Variants in ITGB2 observed in about 807,000 individuals in gnomAD.
ITGB2 encodes integrin beta-2.
A neutral mutation model predicts 86.8 loss-of-function variants in ITGB2; 56 were observed. The observed-to-expected ratio is 0.65, with a 90% confidence interval of 0.52 to 0.81. The LOEUF is 0.81. ITGB2 is among the 30% of genes least tolerant of loss of function. The probability of loss-of-function intolerance (pLI) is 0.00; values close to 1 mark genes in which losing one functional copy is unlikely to be tolerated. For synonymous variants in ITGB2, 457 were observed against 450.4 expected, an observed-to-expected ratio of 1.01 and a Z score of -0.19; for missense variants, 948 against 1,061.2, an observed-to-expected ratio of 0.89 and a Z score of 1.48.
At chr21:44,908,004 T>C (rs1237910225) in intron 3 of ITGB2, 1 of 714,128 alleles carries the variant, frequency 1.4e-6, no homozygotes, top group Non-Finnish European at 2.6e-6. Flanking sequence ...GAAAGGTGTT[T>C]ATTTCAGAGG....
chr21:44,913,284 G>T (rs1022097463), intron 1 of ITGB2, among the ~76,000 whole-genome samples: 3 of 152,110 alleles, frequency 2.0e-5, no homozygotes. Context: ...GCAGACATGA[G>T]GTCTCCGCCC....
chr21:44,887,168 T>A (rs1346995514), intron 14 of ITGB2, among the ~76,000 whole-genome samples: 1 of 152,076 alleles, frequency 6.6e-6, no homozygotes, highest in Non-Finnish European at 1.5e-5. Context: ...AGGGCCAGGG[T>A]ACCGGGCAGC....
intron 13 of ITGB2, 30 bp downstream of exon 13, chr21:44,889,246 G>A (rs1248089757): frequency 6.2e-7 from 1 of 1,604,230 alleles, no homozygotes; most frequent in South Asian, 1.1e-5. Flanking sequence ...GGGGATCCCT[G>A]CCCGCCCTGC....
intron 1 of ITGB2, among the ~76,000 whole-genome samples, chr21:44,919,516 T>C (rs2084266592): frequency 1.3e-5 from 2 of 152,190 alleles, no homozygotes; most frequent in Non-Finnish European, 2.9e-5. Context: ...TCACTCATGG[T>C]GAAACGCTGG....
chr21:44,890,913 A>G (rs937583146), intron 11 of ITGB2, among the ~76,000 whole-genome samples: 1 of 151,798 alleles, frequency 6.6e-6, no homozygotes, highest in Non-Finnish European at 1.5e-5. Context: ...CACCCAGGAC[A>G]GTGGGCGGGG....
chr21:44,889,109 G>T lies in ITGB2; in HGVS notation c.1877+167C>A, dbSNP rs1251770917. On this transcript the variant is annotated intron_variant, in intron 13 of 15. Transcript: ENST00000652462. The stretch of plus-strand genomic sequence containing the variant: ...GGCAGGTGCGCACAGGAGGGAGGAG[G>T]GACACAGGGGCACGGCGGCCGCGGA... 8.4e-6 allele frequency: 6 copies of T among 712,654 alleles called. No homozygotes were observed. The Admixed American group carries it at 9.1e-5, about 11-fold the overall frequency. The allele number at this position is 712,654 out of a possible 1,614,324, so 44.1% of individuals were successfully genotyped here.
upstream of ITGB2, among the ~76,000 whole-genome samples, chr21:44,923,138 T>C (rs187790576): frequency 1.3e-5 from 2 of 152,130 alleles, no homozygotes; most frequent in Admixed American, 6.6e-5. Flanking sequence ...ACTTTTTAGA[T>C]CTACAAAGAA....
intron 10 of ITGB2, 72 bp from the exon 11 acceptor site, chr21:44,892,068 C>T (rs2083793773): frequency 1.4e-6 from 2 of 1,479,202 alleles, no homozygotes; most frequent in South Asian, 1.2e-5. Flanking sequence ...CAACCCTCAC[C>T]TCCTGGCCTC....
Position 44,886,587 on chromosome 21 carries a change from C to T in ITGB2, c.2247+149G>A, listed in dbSNP as rs1273981064. 7 of 1,407,366 alleles carry T rather than the reference C, an allele frequency of 5.0e-6. No homozygotes were observed. In the Admixed American group the frequency reaches 5.2e-5, roughly 10 times the overall value. The allele number at this position is 1,407,366 out of a possible 1,614,324, so 87.2% of individuals were successfully genotyped here. A position where few individuals can be genotyped will look rare whatever the true frequency, so the allele number is the denominator to read the frequency against. ...GTCCCAGCACCGGCAGCCAAGCTCACCCACAGCGGCGGACGCCCAGAGGAC... is the reference window on the plus strand; with the variant it reads ...GTCCCAGCACCGGCAGCCAAGCTCATCCACAGCGGCGGACGCCCAGAGGAC... On this transcript the variant is annotated intron_variant, in intron 15 of 15. Transcript: ENST00000652462.
intron 10 of ITGB2, among the ~76,000 whole-genome samples, chr21:44,892,604 CAAAAAAAAA>C (rs11327948): frequency 4.2e-5 from 3 of 71,144 alleles, no homozygotes; most frequent in Non-Finnish European, 7.9e-5. Flanking sequence ...AACTCCATCT[CAAAAAAAAA>C]AAAAAAAAAA....
intron 1 of ITGB2, among the ~76,000 whole-genome samples, chr21:44,919,020 G>GCTGAGCGTCCCGTCTCCCA (rs58007154): frequency 4.7e-5 from 7 of 149,602 alleles, no homozygotes; most frequent in Non-Finnish European, 7.4e-5. Context: ...AGCACTCGGA[G>GCTGAGCGTCCCGTCTCCCA]GCACCTGCAG....
rs749526925 is a variant in ITGB2 at position 44,891,936 on chromosome 21, G to A, written c.1285C>T (p.Arg429Trp). 24 of 1,613,430 alleles carry A rather than the reference G, an allele frequency of 1.5e-5. No individual in the cohort carries two copies. The East Asian group carries it at 1.6e-4, about 10-fold the overall frequency. ...ECIQEQSFVI[R>W]ALGFTDIVTV... ...ACTATGTCCGTGAAGCCCAGCGCCC[G>A]GATGACAAACGACTGCTCCTGGATG... Residue 429 changes from arginine (R) to tryptophan (W), a missense_variant, in exon 11 of 16, where the codon CGG becomes TGG. By Grantham distance (101) the Arg-to-Trp change is moderately radical. Transcript: ENST00000652462.
chr21:44,898,987 G>T, intron 8 of ITGB2, 80 bp downstream of exon 8: 1 of 1,149,108 alleles, frequency 8.7e-7, no homozygotes, highest in South Asian at 1.3e-5. Context: ...GTGGCGCTCA[G>T]ACCTGCAGTG....
chr21:44,898,647 C>T (rs955730995), intron 8 of ITGB2, among the ~76,000 whole-genome samples: 1 of 152,238 alleles, frequency 6.6e-6, no homozygotes, highest in African/African-American at 2.4e-5. Flanking sequence ...GCTGTGCTTC[C>T]TTCGTGAAAT....
Position 44,926,478 on chromosome 21 carries a change from G to A in ITGB2, c.-4+2176C>T, listed in dbSNP as rs954777861. Among the ~76,000 whole-genome samples the A allele has an allele frequency of 2.6e-4, 39 of 152,222 alleles. 1 individual carries two copies. Among genetic ancestry groups the A allele is most frequent in the Admixed American group, 1.3e-3 (20 of 15,288 alleles). The stretch of plus-strand genomic sequence containing the variant: ...GATGAGGAAATGGCGACCGCAGAAG[G>A]AAATGTAGCAGCACCGGCAACCGGC... On this transcript the variant is annotated intron_variant, in intron 1 of 15. Transcript: ENST00000355153.
At chr21:44,910,831 G>C in intron 1 of ITGB2, 46 bp from the exon 2 acceptor site, 1 of 1,584,524 alleles carries the variant, frequency 6.3e-7, no homozygotes, top group East Asian at 2.3e-5. Context: ...CCCAACCCCT[G>C]GGGCTGACCA....
At chr21:44,888,453 G>A (rs1038256763) in intron 14 of ITGB2, among the ~76,000 whole-genome samples, 5 of 152,226 alleles carry the variant, frequency 3.3e-5, no homozygotes, top group African/African-American at 7.2e-5. Context: ...GGAGCAGGCC[G>A]TCTGCTGCCC....
intron 3 of ITGB2, among the ~76,000 whole-genome samples, chr21:44,907,684 G>T (rs1213853334): frequency 4.6e-5 from 7 of 152,238 alleles, no homozygotes; most frequent in Non-Finnish European, 1.0e-4. Flanking sequence ...CTGGCCCCGA[G>T]CCTGCTGCCT....
intron 1 of ITGB2, among the ~76,000 whole-genome samples, chr21:44,916,540 A>C (rs2084212320): frequency 6.6e-6 from 1 of 152,164 alleles, no homozygotes; most frequent in Non-Finnish European, 1.5e-5. Context: ...AAATAGAAGA[A>C]TAGGTATCTA....
Sources: allele counts gnomAD v4.1 joint callset (sites outside exome capture counted in the v4.1 genomes callset), GRCh38; gene constraint gnomAD v4.1.1; transcripts MANE v1.5; gene names NCBI Gene and HGNC (gene_info 2026-07-23, HGNC 2026-07-21).